Variants in NEO1 observed in about 807,000 individuals in gnomAD.
The protein encoded by NEO1 is neogenin 1.
A neutral mutation model predicts 159.7 loss-of-function variants in NEO1; 63 were observed. The ratio of observed to expected loss-of-function variants is 0.39; its 90% confidence interval spans 0.32 to 0.49. NEO1 has a LOEUF of 0.49. Among genes scored for constraint, NEO1 ranks in the 20% least tolerant of loss-of-function variants. The probability of loss-of-function intolerance (pLI) is 0.85; values close to 1 mark genes in which losing one functional copy is unlikely to be tolerated. For missense variants in NEO1, 1,615 were observed against 1,831.0 expected (o/e 0.88, Z 2.15); for synonymous variants, 633 against 662.0 (o/e 0.96, Z 0.67).
In NEO1 at chr15:73,166,918, A is replaced by C. The variant is rs527942264; in HGVS notation, c.1016-9485A>C. 2.6e-5 allele frequency among the ~76,000 whole-genome samples: 4 copies of C among 152,248 alleles called. No homozygotes were observed. The South Asian group carries it at 8.3e-4, about 32-fold the overall frequency. The stretch of plus-strand genomic sequence containing the variant: ...AGACTGGATTAAGAAAATGTGGCAC[A>C]TATACACCATGGAATACTATGCAGC... On this transcript the variant is annotated intron_variant, in intron 5 of 28. Coordinates refer to ENST00000261908, the MANE Select transcript of NEO1 (RefSeq NM_002499.4).
At chr15:73,103,289 T>C (rs1295930825) in intron 1 of NEO1, among the ~76,000 whole-genome samples, 1 of 152,208 alleles carries the variant, frequency 6.6e-6, no homozygotes, top group Non-Finnish European at 1.5e-5. Flanking sequence ...CCTTACCAAC[T>C]CTTCTTAACT....
intron 28 of NEO1, among the ~76,000 whole-genome samples, chr15:73,302,406 G>A (rs974129759): frequency 1.3e-5 from 2 of 152,174 alleles, no homozygotes; most frequent in Non-Finnish European, 1.5e-5. Flanking sequence ...TTGGGAGAAA[G>A]GCATTGTGCA....
intron 11 of NEO1, 25 bp from the exon 12 acceptor site, chr15:73,253,375 T>C: frequency 1.1e-6 from 1 of 891,842 alleles, no homozygotes; most frequent in Non-Finnish European, 1.5e-6. Context: ...AAAAAAAAAT[T>C]TTTTTTTTTT....
chr15:73,254,419 A>G (rs1411672362), intron 12 of NEO1, among the ~76,000 whole-genome samples: 7 of 152,172 alleles, frequency 4.6e-5, no homozygotes, highest in Non-Finnish European at 1.0e-4. Context: ...ACTTTTATCC[A>G]ACATCATCTT....
At chr15:73,114,411 C>G (rs1313301644) in intron 1 of NEO1, among the ~76,000 whole-genome samples, 1 of 152,120 alleles carries the variant, frequency 6.6e-6, no homozygotes, top group Admixed American at 6.5e-5. Context: ...TCACTGCCCT[C>G]CTACTGAGAG....
intron 5 of NEO1, among the ~76,000 whole-genome samples, chr15:73,151,336 G>C (rs1000350076): frequency 2.6e-5 from 4 of 152,068 alleles, no homozygotes; most frequent in Non-Finnish European, 5.9e-5. Context: ...AAAGTGTTCT[G>C]TCAGGAAACT....
intron 22 of NEO1, among the ~76,000 whole-genome samples, chr15:73,282,352 T>A (rs917975606): frequency 6.6e-6 from 1 of 152,244 alleles, no homozygotes; most frequent in Admixed American, 6.5e-5. Flanking sequence ...TGCACCTTAG[T>A]ACCTAGAACA....
At chr15:73,202,086 C>T (rs2036932397) in intron 7 of NEO1, among the ~76,000 whole-genome samples, 1 of 151,506 alleles carries the variant, frequency 6.6e-6, no homozygotes, top group South Asian at 2.1e-4. Flanking sequence ...GCCTCAGCCT[C>T]CCGAGTAGCT....
chr15:73,250,211 C>T (rs1008291921), intron 11 of NEO1, among the ~76,000 whole-genome samples: 5 of 151,886 alleles, frequency 3.3e-5, no homozygotes, highest in African/African-American at 9.7e-5. Context: ...TATATACACC[C>T]ATGACCTAGA....
intron 8 of NEO1, among the ~76,000 whole-genome samples, chr15:73,241,499 C>A (rs1468701043): frequency 6.6e-6 from 1 of 152,158 alleles, no homozygotes; most frequent in Non-Finnish European, 1.5e-5. Context: ...AGTTTGCCCA[C>A]CCTGTCTCAT....
chr15:73,053,407 C>G (rs1467075431), intron 1 of NEO1, among the ~76,000 whole-genome samples: 1 of 152,154 alleles, frequency 6.6e-6, no homozygotes, highest in Non-Finnish European at 1.5e-5. Context: ...ATGAGGACGC[C>G]TTGGAGAGCG....
intron 1 of NEO1, among the ~76,000 whole-genome samples, chr15:73,095,735 A>G (rs963183227): frequency 3.3e-5 from 5 of 150,438 alleles, no homozygotes; most frequent in Non-Finnish European, 5.9e-5. Flanking sequence ...CAGTTGTTTT[A>G]TTATCATTAT....
rs2041579434 is a variant in NEO1 at position 73,279,353 on chromosome 15, T to TTTTTTTTTTTG, written c.3262+1164_3262+1165insGTTTTTTTTTT. On this transcript the variant is annotated intron_variant, in intron 22 of 28. Coordinates refer to ENST00000261908, the MANE Select transcript of NEO1 (RefSeq NM_002499.4). ...GTTTTTTTGTTGTTTTGGTTTTGGT[T>TTTTTTTTTTTG]TTTTTTTTTTTTTGAGATGGAATCT... Among the ~76,000 whole-genome samples the TTTTTTTTTTTG allele has an allele frequency of 8.8e-5, 12 of 136,426 alleles. 1 individual carries two copies. Among genetic ancestry groups the TTTTTTTTTTTG allele is most frequent in the Non-Finnish European group, 1.8e-4 (11 of 60,760 alleles). 89.5% of individuals were successfully genotyped at this position (136,426 alleles called of 152,430 possible).
chr15:73,128,383 T>A (rs62016814), intron 4 of NEO1, among the ~76,000 whole-genome samples: 45,869 of 152,092 alleles, frequency 0.3, 8,245 homozygotes, highest in Admixed American at 0.43. Flanking sequence ...TATATTATTT[T>A]AAAACATATT....
intron 7 of NEO1, among the ~76,000 whole-genome samples, chr15:73,212,751 C>T (rs1328339800): frequency 6.8e-6 from 1 of 147,646 alleles, no homozygotes; most frequent in East Asian, 1.9e-4. Flanking sequence ...GTAATGGAAA[C>T]AGCCCAAAAA....
At position 73,127,978 on chromosome 15, in the gene NEO1, C is replaced by G. The variant is rs114028228; in HGVS notation, c.878+1408C>G. Among the ~76,000 whole-genome samples the G allele has an allele frequency of 5.7e-3, 868 of 152,206 alleles. 7 individuals carry two copies. The highest frequency in any genetic ancestry group is 0.02 in the African/African-American group (817 of 41,532). ...ACAGACAATTTTAATTTTTATAGTT[C>G]AGTATCCAAGACGTAGAAACAGGTA... is the stretch of plus-strand genomic sequence containing the variant. On this transcript the variant is annotated intron_variant, in intron 4 of 28. Coordinates refer to ENST00000261908, the MANE Select transcript of NEO1 (RefSeq NM_002499.4).
chr15:73,147,259 A>G (rs2061544442), intron 5 of NEO1, among the ~76,000 whole-genome samples: 1 of 152,162 alleles, frequency 6.6e-6, no homozygotes, highest in South Asian at 2.1e-4. Flanking sequence ...GGCTCAGAGA[A>G]TCTTTCCTTT....
intron 5 of NEO1, chr15:73,162,376 T>A (rs1202055440): frequency 6.2e-6 from 1 of 161,892 alleles, no homozygotes; most frequent in African/African-American, 2.4e-5. Context: ...TTACTTTATT[T>A]ATTTTGTTTT....
intron 23 of NEO1, among the ~76,000 whole-genome samples, chr15:73,285,853 G>A (rs115633421): frequency 7.2e-5 from 11 of 152,058 alleles, no homozygotes; most frequent in Non-Finnish European, 1.0e-4. Context: ...GGTAATCATC[G>A]TTTCCTCCTC....
Sources: allele counts gnomAD v4.1 joint callset (sites outside exome capture counted in the v4.1 genomes callset), GRCh38; gene constraint gnomAD v4.1.1; transcripts MANE v1.5; gene names NCBI Gene and HGNC (gene_info 2026-07-23, HGNC 2026-07-21).